The following PPIL4 variants were observed in gnomAD, a reference collection of about 807,000 sequenced individuals.
The protein encoded by PPIL4 is peptidylprolyl isomerase like 4.
In PPIL4, 50 loss-of-function variants were observed where a neutral mutation model predicts 69.1. That is an observed-to-expected ratio of 0.72 (90% CI 0.58 to 0.92). The LOEUF (loss-of-function observed/expected upper bound fraction) is 0.92, where lower values mean the gene tolerates loss of function less well. PPIL4 is among the 40% of genes least tolerant of loss of function. The pLI, the probability that PPIL4 is intolerant of heterozygous loss-of-function variation, is 0.00. For missense variants in PPIL4, 480 were observed against 587.9 expected (o/e 0.82, Z 1.90); for synonymous variants, 193 against 191.6 (o/e 1.01, Z -0.06).
chr6:149,542,013 C>CAAAAT lies in PPIL4; in HGVS notation c.71-432_71-428dup, dbSNP rs529079776. ...TGGGCAATAGAGCAAGACTCTATCT[C>CAAAAT]AAAATAAAATAAAATAAAATAAAAT... On this transcript the variant is annotated intron_variant, in intron 1 of 12. Transcript: ENST00000253329. Among the ~76,000 whole-genome samples the CAAAAT allele has an allele frequency of 9.0e-3, 1,365 of 151,064 alleles. 16 individuals are homozygous for CAAAAT. The highest frequency in any genetic ancestry group is 0.029 in the African/African-American group (1,193 of 41,044).
At chr6:149,512,382 G>A in intron 11 of PPIL4, 80 bp from the exon 12 acceptor site, 1 of 1,072,718 alleles carries the variant, frequency 9.3e-7, no homozygotes, top group East Asian at 2.4e-5. Flanking sequence ...AACAAAGGAG[G>A]TCATAAGGCT....
In PPIL4 at chr6:149,518,764, A is replaced by G. The variant is rs185086357; in HGVS notation, c.983-1314T>C. 2.0e-5 allele frequency among the ~76,000 whole-genome samples: 3 copies of G among 152,362 alleles called. No individual in the cohort carries two copies. The East Asian group carries it at 5.8e-4, about 29-fold the overall frequency. ...ATGAAGCAGTTACCGTATAACAGAA[A>G]GGGCACCAGATTAATGTAAGAGGTT... On this transcript the variant is annotated intron_variant, in intron 10 of 12. Coordinates refer to ENST00000253329, the MANE Select transcript of PPIL4 (RefSeq NM_139126.4).
chr6:149,508,714 C>T (rs184385472), intron 12 of PPIL4, among the ~76,000 whole-genome samples: 2 of 152,252 alleles, frequency 1.3e-5, no homozygotes, highest in East Asian at 1.9e-4. Flanking sequence ...CAGCTGAATA[C>T]GCATTTCCTG....
At chr6:149,536,122 C>T (rs1205237428) in intron 4 of PPIL4, among the ~76,000 whole-genome samples, 1 of 152,020 alleles carries the variant, frequency 6.6e-6, no homozygotes, top group African/African-American at 2.4e-5. Flanking sequence ...ATCTTACTAC[C>T]GCAATTGTTT....
intron 1 of PPIL4, among the ~76,000 whole-genome samples, chr6:149,543,640 GT>G (rs900969948): frequency 1.3e-5 from 2 of 150,884 alleles, no homozygotes; most frequent in Non-Finnish European, 1.5e-5. Flanking sequence ...TCCCTGTCAA[GT>G]TTTTTTTCTT....
Position 149,526,587 on chromosome 6 carries a change from A to G in PPIL4, c.803+65T>C, listed in dbSNP as rs953079154. 2.7e-5 allele frequency: 39 copies of G among 1,453,866 alleles called. No homozygotes were observed. The East Asian group carries it at 6.1e-4, about 23-fold the overall frequency. The allele number at this position is 1,453,866 out of a possible 1,614,324, so 90.1% of individuals were successfully genotyped here. Reference sequence around the variant, plus strand: ...ATTCACAGAATCATCAAAATATGTCATTAGAAAACCACCAACTGATACCTA... The same window carrying G: ...ATTCACAGAATCATCAAAATATGTCGTTAGAAAACCACCAACTGATACCTA... On this transcript the variant is annotated intron_variant, in intron 8 of 12. Transcript: ENST00000253329.
chr6:149,535,785 T>A, intron 4 of PPIL4, 47 bp from the exon 5 acceptor site: 1 of 1,376,614 alleles, frequency 7.3e-7, no homozygotes, highest in Non-Finnish European at 1.0e-6. Flanking sequence ...AATACATAAC[T>A]CAAACTGAAA....
At chr6:149,511,397 TTGTGTGTG>T (rs375170478) in intron 12 of PPIL4, among the ~76,000 whole-genome samples, 1 of 147,618 alleles carries the variant, frequency 6.8e-6, no homozygotes, top group African/African-American at 2.5e-5. Context: ...GCCTGGCCAA[TTGTGTGTG>T]TGTGTGTGTG....
In PPIL4 at chr6:149,545,997, A is replaced by T. The variant is rs1289015246; in HGVS notation, c.9T>A (p.Val3=). The T allele has an allele frequency of 6.3e-7, 1 of 1,580,306 alleles. No individual in the cohort carries two copies. Among genetic ancestry groups the T allele is most frequent in the African/African-American group, 1.3e-5 (1 of 74,174 alleles). The change falls in exon 1 of 13, where the codon GTT becomes GTA. Residue 3 remains valine (V), a synonymous_variant. Transcript: ENST00000253329. MA[V]LLETTLGDVV... ...CGTCGCCTAAAGTGGTCTCCAGTAG[A>T]ACCGCCATGGCGCCCGCTCCTCCTC...
chr6:149,522,167 T>G (rs1777039018), intron 9 of PPIL4, among the ~76,000 whole-genome samples: 1 of 152,206 alleles, frequency 6.6e-6, no homozygotes, highest in South Asian at 2.1e-4. Flanking sequence ...TCTGACTGAT[T>G]ATTTTCAGGC....
At chr6:149,534,532 T>G in intron 6 of PPIL4, 146 bp downstream of exon 6, 1 of 508,182 alleles carries the variant, frequency 2.0e-6, no homozygotes, top group Non-Finnish European at 3.4e-6. Flanking sequence ...AGTACCTCTG[T>G]GGAAAAGAAA....
At position 149,505,651 on chromosome 6, in the gene PPIL4, C is replaced by G; in HGVS notation, c.1281G>C (p.Trp427Cys). Residue 427 changes from tryptophan to cysteine, a missense_variant, in exon 13 of 13, where the codon TGG becomes TGC. By Grantham distance (215) the Trp-to-Cys change is radical (BLOSUM62 -2). Coordinates refer to ENST00000253329, the MANE Select transcript of PPIL4 (RefSeq NM_139126.4). Reference protein sequence around the residue: ...FGHYEEEESCWEKQKSEKRDR... With the variant: ...FGHYEEEESCCEKQKSEKRDR... ...CTCTCTTTTCACTCTTTTGTTTCTC[C>G]CAACAGCTTTCTTCTTCTTCATAGT... The G allele has an allele frequency of 6.2e-7, 1 of 1,614,056 alleles. No individual in the cohort carries two copies. Among genetic ancestry groups the G allele is most frequent in the African/African-American group, 1.3e-5 (1 of 75,024 alleles).
intron 10 of PPIL4, among the ~76,000 whole-genome samples, chr6:149,519,162 GAGA>G (rs1395355150): frequency 2.0e-5 from 3 of 152,170 alleles, no homozygotes; most frequent in Non-Finnish European, 4.4e-5. Context: ...TGGATGGGTT[GAGA>G]AGAAGACAGG....
intron 5 of PPIL4, among the ~76,000 whole-genome samples, 162 bp from the exon 6 acceptor site, chr6:149,534,936 T>G (rs1234812973): frequency 6.6e-6 from 1 of 152,246 alleles, no homozygotes; most frequent in Non-Finnish European, 1.5e-5. Context: ...ACAATGAGTG[T>G]TACTGTTTTG....
At chr6:149,542,088 T>C (rs1438661215) in intron 1 of PPIL4, among the ~76,000 whole-genome samples, 3 of 152,122 alleles carry the variant, frequency 2.0e-5, no homozygotes, top group Admixed American at 6.6e-5. Context: ...CCTTTTTTTT[T>C]CCTTTAATAG....
chr6:149,526,623 A>G (rs760295960), intron 8 of PPIL4, 29 bp downstream of exon 8: 1 of 1,575,910 alleles, frequency 6.3e-7, no homozygotes, highest in Non-Finnish European at 8.6e-7. Context: ...GTTTTTCTAA[A>G]TATCTCTTTC....
At chr6:149,539,634 C>T (rs1257219884) in intron 4 of PPIL4, among the ~76,000 whole-genome samples, 1 of 152,166 alleles carries the variant, frequency 6.6e-6, no homozygotes, top group Non-Finnish European at 1.5e-5. Flanking sequence ...CCTGCCTTGC[C>T]CCCGCAAAGT....
In PPIL4 at chr6:149,543,292, G is replaced by A. The variant is rs186858456; in HGVS notation, c.71-1706C>T. 1.1e-3 allele frequency among the ~76,000 whole-genome samples: 165 copies of A among 152,052 alleles called. 1 individual carries two copies. The highest frequency in any genetic ancestry group is 1.9e-3 in the East Asian group (10 of 5,176). On this transcript the variant is annotated intron_variant, in intron 1 of 12. Coordinates refer to ENST00000253329, the MANE Select transcript of PPIL4 (RefSeq NM_139126.4). ...TAAAGAACAATTTATAGGAAACAGG[G>A]GACACAAAAATATGTTAACGCACCC...
Position 149,505,361 on chromosome 6 carries a change from C to T in PPIL4, c.*92G>A. The T allele has an allele frequency of 8.1e-7, 1 of 1,236,638 alleles. No individual in the cohort carries two copies. The highest frequency in any genetic ancestry group is 1.1e-6 in the Non-Finnish European group (1 of 883,544). The allele number at this position is 1,236,638 out of a possible 1,614,324, so 76.6% of individuals were successfully genotyped here. On this transcript the variant is annotated 3_prime_UTR_variant, in exon 13 of 13. Coordinates refer to ENST00000253329, the MANE Select transcript of PPIL4 (RefSeq NM_139126.4). ...ATCCTAGTATGAAAAAAATAACAAGCTTTGACACAAAATCTAAGCATCTGC... is the reference window on the plus strand; with the variant it reads ...ATCCTAGTATGAAAAAAATAACAAGTTTTGACACAAAATCTAAGCATCTGC...
Sources: gnomAD v4.1 joint callset for allele counts (sites outside exome capture counted in the v4.1 genomes callset) on GRCh38, gnomAD v4.1.1 for gene constraint, MANE v1.5 for transcripts, NCBI Gene and HGNC (gene_info 2026-07-23, HGNC 2026-07-21) for gene names.